Variants in PCMTD1 observed in about 807,000 individuals in gnomAD.
The protein encoded by PCMTD1 is protein-L-isoaspartate O-methyltransferase domain-containing protein 1.
In PCMTD1, 12 loss-of-function variants were observed where a neutral mutation model predicts 37.6. The observed-to-expected ratio is 0.32, with a 90% confidence interval of 0.20 to 0.52. The LOEUF is 0.52. PCMTD1 is among the 20% of genes least tolerant of loss of function. PCMTD1 has a pLI of 0.97. For missense variants in PCMTD1, 235 were observed against 421.3 expected, an observed-to-expected ratio of 0.56 and a Z score of 3.87; for synonymous variants, 117 against 135.8, an observed-to-expected ratio of 0.86 and a Z score of 0.96.
At chr8:51,892,466 C>T (rs767438880) in intron 1 of PCMTD1, among the ~76,000 whole-genome samples, 6 of 152,210 alleles carry the variant, frequency 3.9e-5, no homozygotes, top group Non-Finnish European at 8.8e-5. Context: ...TCTCTCCATT[C>T]ACTTACACAC....
At chr8:51,899,056 C>A (rs1004410401), upstream of PCMTD1, 17 of 1,504,736 alleles carry the variant, frequency 1.1e-5, no homozygotes, top group Middle Eastern at 2.1e-4. Context: ...GGGCCCGGAC[C>A]CGCGACTGGA....
chr8:51,842,036 T>C (rs78980854), intron 3 of PCMTD1, among the ~76,000 whole-genome samples: 2 of 150,536 alleles, frequency 1.3e-5, no homozygotes, highest in Non-Finnish European at 3.0e-5. Context: ...AACTGGGATT[T>C]GTGGGAAAAA....
intron 3 of PCMTD1, among the ~76,000 whole-genome samples, chr8:51,836,074 G>A (rs941133620): frequency 8.5e-5 from 13 of 152,074 alleles, no homozygotes; most frequent in African/African-American, 2.9e-4. Flanking sequence ...GACAAACATC[G>A]AACAATCCTA....
At chr8:51,855,174 CAAAA>C (rs1306890644) in intron 2 of PCMTD1, among the ~76,000 whole-genome samples, 2 of 41,898 alleles carry the variant, frequency 4.8e-5, no homozygotes, top group African/African-American at 7.9e-5. Flanking sequence ...AACTCCATCT[CAAAA>C]AAAAAAAAAA....
chr8:51,875,417 A>G (rs1378655280), intron 1 of PCMTD1, among the ~76,000 whole-genome samples: 1 of 152,204 alleles, frequency 6.6e-6, no homozygotes. Context: ...CACGACACTC[A>G]ACAAATGTAA....
chr8:51,873,931 T>G (rs76845704), intron 1 of PCMTD1, among the ~76,000 whole-genome samples: 1 of 151,568 alleles, frequency 6.6e-6, no homozygotes, highest in Non-Finnish European at 1.5e-5. Context: ...TTTTTTTTTT[T>G]GAGACAGACT....
At chr8:51,893,168 C>T (rs778153959) in intron 1 of PCMTD1, among the ~76,000 whole-genome samples, 7 of 152,050 alleles carry the variant, frequency 4.6e-5, no homozygotes, top group African/African-American at 9.7e-5. Context: ...AAAAAGAAAA[C>T]GTCTCTTCCC....
chr8:51,884,497 A>C (rs2038836769), intron 1 of PCMTD1, among the ~76,000 whole-genome samples: 1 of 152,234 alleles, frequency 6.6e-6, no homozygotes, highest in African/African-American at 2.4e-5. Context: ...CTAGTGTAGT[A>C]ATATGCTGCC....
At chr8:51,826,330 A>G (rs1382560847) in intron 5 of PCMTD1, among the ~76,000 whole-genome samples, 1 of 152,142 alleles carries the variant, frequency 6.6e-6, no homozygotes, top group East Asian at 1.9e-4. Context: ...ACACATGGAC[A>G]CAGGTAGGGG....
At chr8:51,843,378 G>T (rs1387689130) in intron 3 of PCMTD1, among the ~76,000 whole-genome samples, 3 of 152,098 alleles carry the variant, frequency 2.0e-5, no homozygotes, top group Non-Finnish European at 2.9e-5. Context: ...GTTCATGAAT[G>T]TAAGAATCTG....
chr8:51,860,107 CT>C (rs1239758900), intron 2 of PCMTD1, among the ~76,000 whole-genome samples: 1 of 152,226 alleles, frequency 6.6e-6, no homozygotes, highest in Non-Finnish European at 1.5e-5. Context: ...CCAGTTGTCA[CT>C]TCCTAGATAC....
intron 1 of PCMTD1, among the ~76,000 whole-genome samples, chr8:51,883,206 G>C (rs1020124189): frequency 6.6e-6 from 1 of 151,904 alleles, no homozygotes; most frequent in African/African-American, 2.4e-5. Context: ...AATCAACAAG[G>C]AATATAATAG....
At chr8:51,879,303 G>C (rs2038758803) in intron 1 of PCMTD1, among the ~76,000 whole-genome samples, 1 of 151,338 alleles carries the variant, frequency 6.6e-6, no homozygotes, top group South Asian at 2.1e-4. Flanking sequence ...GAAAAAAGTG[G>C]CATGACTAAA....
intron 5 of PCMTD1, among the ~76,000 whole-genome samples, chr8:51,825,010 C>G (rs1025650943): frequency 5.3e-5 from 8 of 151,974 alleles, no homozygotes; most frequent in African/African-American, 1.9e-4. Flanking sequence ...ACTGAAACTG[C>G]ACCCCTTCCT....
chr8:51,842,236 G>C lies in PCMTD1; in HGVS notation c.410+3425C>G, dbSNP rs543822409. Among the ~76,000 whole-genome samples the C allele has an allele frequency of 1.2e-4, 19 of 152,100 alleles. No homozygotes were observed. The South Asian group carries it at 3.7e-3, about 30-fold the overall frequency. On this transcript the variant is annotated intron_variant, in intron 3 of 5. Transcript: ENST00000522514. ...ATTTCATTTGATGATATAAGACTAAGACATACAAAGTTTAAAAGTACTTAC... is the reference window on the plus strand; with the variant it reads ...ATTTCATTTGATGATATAAGACTAACACATACAAAGTTTAAAAGTACTTAC...
chr8:51,885,566 A>G (rs2038853643), intron 1 of PCMTD1, among the ~76,000 whole-genome samples: 1 of 152,208 alleles, frequency 6.6e-6, no homozygotes, highest in African/African-American at 2.4e-5. Context: ...ATAAACTTAC[A>G]TGATTATTAA....
intron 1 of PCMTD1, among the ~76,000 whole-genome samples, chr8:51,893,795 TCAAA>T (rs1275759177): frequency 2.0e-5 from 3 of 152,108 alleles, no homozygotes; most frequent in South Asian, 2.1e-4. Context: ...AATTAAAAAC[TCAAA>T]CAAGCTAGTG....
chr8:51,889,999 C>CAA (rs5891439), intron 1 of PCMTD1, among the ~76,000 whole-genome samples: 64 of 80,144 alleles, frequency 8.0e-4, no homozygotes, highest in African/African-American at 1.6e-3. Context: ...AAGTCCTTAA[C>CAA]AAAAAAAAAA....
At chr8:51,890,912 A>AG (rs1263720967) in intron 1 of PCMTD1, among the ~76,000 whole-genome samples, 1 of 152,216 alleles carries the variant, frequency 6.6e-6, no homozygotes, top group Non-Finnish European at 1.5e-5. Flanking sequence ...ACATGGCAGA[A>AG]GGACTTACAA....
Sources: gnomAD v4.1 joint callset for allele counts (sites outside exome capture counted in the v4.1 genomes callset) on GRCh38, gnomAD v4.1.1 for gene constraint, MANE v1.5 for transcripts, NCBI Gene and HGNC (gene_info 2026-07-23, HGNC 2026-07-21) for gene names.